IL7: variants seen among roughly 807,000 people sequenced by gnomAD.
IL7 encodes the protein interleukin 7.
IL7 carries 3 observed loss-of-function variants against 21.6 expected under a neutral mutation model. The ratio of observed to expected loss-of-function variants is 0.14; its 90% CI spans 0.06 to 0.36. The LOEUF is 0.36. IL7 is among the 10% of genes least tolerant of loss of function. The pLI is 1.00. For synonymous variants in IL7, 62 were observed against 68.1 expected (o/e 0.91, Z 0.44); for missense variants, 175 against 200.2 (o/e 0.87, Z 0.76).
At chr8:78,744,339 A>T (rs1811902123) in intron 2 of IL7, among the ~76,000 whole-genome samples, 2 of 152,146 alleles carry the variant, frequency 1.3e-5, no homozygotes. Flanking sequence ...TGGCTCAGGG[A>T]CCTGCTTAAA....
intron 2 of IL7, among the ~76,000 whole-genome samples, chr8:78,745,710 A>G (rs1199254807): frequency 6.6e-6 from 1 of 152,248 alleles, no homozygotes; most frequent in Non-Finnish European, 1.5e-5. Flanking sequence ...AGTATTTAAC[A>G]TCTAAACTCA....
chr8:78,742,867 C>T (rs1280069901), intron 2 of IL7, among the ~76,000 whole-genome samples: 1 of 151,908 alleles, frequency 6.6e-6, no homozygotes, highest in Admixed American at 6.6e-5. Flanking sequence ...TTTTTTGATC[C>T]TCTCCCTCTT....
At chr8:78,675,592 A>T (rs1208594293), downstream of IL7, among the ~76,000 whole-genome samples, 3 of 152,004 alleles carry the variant, frequency 2.0e-5, no homozygotes, top group Non-Finnish European at 4.4e-5. Context: ...CTCCATATTT[A>T]TCCTGACCTT....
chr8:78,708,672 CT>C (rs66697724), intron 3 of IL7, among the ~76,000 whole-genome samples: 96,829 of 142,452 alleles, frequency 0.68, 33,566 homozygotes, highest in East Asian at 0.88. Context: ...AGATGATTAT[CT>C]TTTTTTTTTC....
intron 2 of IL7, among the ~76,000 whole-genome samples, chr8:78,774,105 G>A (rs542984489): frequency 2.5e-4 from 38 of 152,010 alleles, no homozygotes; most frequent in Non-Finnish European, 1.0e-4. Context: ...ATATATTTGT[G>A]AGTTCAACTG....
intron 2 of IL7, among the ~76,000 whole-genome samples, chr8:78,794,452 C>T (rs1417102772): frequency 6.6e-6 from 1 of 152,104 alleles, no homozygotes; most frequent in African/African-American, 2.4e-5. Flanking sequence ...AAGTCACCAG[C>T]TGCATTTGTC....
chr8:78,765,163 CT>C (rs1259111940), intron 2 of IL7, among the ~76,000 whole-genome samples: 1 of 152,072 alleles, frequency 6.6e-6, no homozygotes, highest in Admixed American at 6.5e-5. Flanking sequence ...GACCTTGAAC[CT>C]TTCACAAAAA....
At chr8:78,687,941 A>G (rs999389696) in intron 3 of IL7, among the ~76,000 whole-genome samples, 2 of 143,244 alleles carry the variant, frequency 1.4e-5, no homozygotes, top group African/African-American at 5.1e-5. Flanking sequence ...CTATATTTTT[A>G]TATATAAACT....
At chr8:78,696,042 T>C (rs79919047) in intron 3 of IL7, among the ~76,000 whole-genome samples, 1 of 152,168 alleles carries the variant, frequency 6.6e-6, no homozygotes, top group Non-Finnish European at 1.5e-5. Context: ...AATTTTTCTT[T>C]CTTTTTTTTT....
rs1297606108 is a variant in IL7, at chr8:78,760,714, C to T, written c.148-20632G>A. ...CACTTAGGGTTTCTTTATAGTAACT[C>T]TCAAAGGTTAGCTGAGATTCCAAGT... On this transcript the variant is annotated intron_variant, in intron 2 of 5. Transcript: ENST00000263851. 1.2e-5 allele frequency: 18 copies of T among 1,564,628 alleles called. No homozygotes were observed. In the South Asian group the frequency reaches 1.9e-4, roughly 17 times the overall value.
At chr8:78,698,472 C>T (rs201695053) in intron 3 of IL7, 1 of 1,612,936 alleles carries the variant, frequency 6.2e-7, no homozygotes, top group Admixed American at 1.7e-5. Context: ...AACTTCAGAC[C>T]TTATCTCCCT....
intron 3 of IL7, among the ~76,000 whole-genome samples, chr8:78,701,400 T>C (rs955525234): frequency 1.3e-5 from 2 of 152,178 alleles, no homozygotes; most frequent in African/African-American, 4.8e-5. Context: ...TGGGCTGATA[T>C]AATGGGGTTT....
intron 2 of IL7, among the ~76,000 whole-genome samples, chr8:78,772,717 A>T (rs1813000357): frequency 6.6e-6 from 1 of 152,190 alleles, no homozygotes; most frequent in African/African-American, 2.4e-5. Flanking sequence ...TGAAGACCCC[A>T]AACATTTCTA....
At chr8:78,712,834 T>A (rs919222229) in intron 3 of IL7, among the ~76,000 whole-genome samples, 2 of 152,192 alleles carry the variant, frequency 1.3e-5, no homozygotes, top group Admixed American at 1.3e-4. Flanking sequence ...TGGAAAATAT[T>A]AAGCAGAGTA....
chr8:78,795,442 T>G (rs1813823427), intron 2 of IL7, among the ~76,000 whole-genome samples: 1 of 152,074 alleles, frequency 6.6e-6, no homozygotes, highest in Admixed American at 6.6e-5. Context: ...TGAATTAACC[T>G]CCTTAAGAAG....
At chr8:78,733,886 T>TA in intron 5 of IL7, 54 bp from the exon 6 acceptor site, 1 of 1,183,722 alleles carries the variant, frequency 8.4e-7, no homozygotes, top group Non-Finnish European at 1.1e-6. Context: ...AAAATATATA[T>TA]TTTAAAATAC....
chr8:78,788,997 G>T (rs1353630615), intron 2 of IL7, among the ~76,000 whole-genome samples: 1 of 152,036 alleles, frequency 6.6e-6, no homozygotes, highest in Admixed American at 6.6e-5. Context: ...ATGATAGTCC[G>T]CCTTGCTCTG....
intron 3 of IL7, among the ~76,000 whole-genome samples, chr8:78,724,867 G>C (rs1297450024): frequency 6.6e-6 from 1 of 152,010 alleles, no homozygotes; most frequent in Non-Finnish European, 1.5e-5. Flanking sequence ...TTTCAAGGAG[G>C]AAGAGGTCTT....
rs1053171319 is a variant in IL7, at chr8:78,748,671, T to G, written c.148-8589A>C. Among the ~76,000 whole-genome samples, 14 of 152,298 alleles carry G rather than the reference T, an allele frequency of 9.2e-5. No individual in the cohort carries two copies. In the East Asian group the frequency reaches 2.7e-3, roughly 29 times the overall value. On this transcript the variant is annotated intron_variant, in intron 2 of 5. Transcript: ENST00000263851. ...TGTTAGGTTTTAAACAGATGACGTT[T>G]GAGCTGACTTTCAAAGATTCAGGAA...
Sources: allele counts gnomAD v4.1 joint callset (sites outside exome capture counted in the v4.1 genomes callset), GRCh38; gene constraint gnomAD v4.1.1; transcripts MANE v1.5; gene names NCBI Gene and HGNC (gene_info 2026-07-23, HGNC 2026-07-21).